DLGAP1: variants seen among roughly 807,000 people sequenced by gnomAD.
DLGAP1 encodes the protein disks large-associated protein 1.
In DLGAP1, 11 loss-of-function variants were observed where a neutral mutation model predicts 90.8. That is an observed-to-expected ratio of 0.12 (90% CI 0.08 to 0.20). DLGAP1 has a LOEUF of 0.20. DLGAP1 is among the 10% of genes least tolerant of loss of function. The pLI is 1.00. For synonymous variants in DLGAP1, 558 were observed against 540.7 expected (o/e 1.03, Z -0.44); for missense variants, 1,050 against 1,333.8 (o/e 0.79, Z 3.31).
intron 1 of DLGAP1, among the ~76,000 whole-genome samples, chr18:4,386,747 T>C (rs1201725690): frequency 1.3e-5 from 2 of 152,164 alleles, no homozygotes; most frequent in Admixed American, 6.6e-5. Flanking sequence ...ACAAACTGAC[T>C]GTCTGGGAGA....
intron 1 of DLGAP1, among the ~76,000 whole-genome samples, chr18:4,312,639 A>T (rs2080429172): frequency 6.6e-6 from 1 of 152,228 alleles, no homozygotes; most frequent in Non-Finnish European, 1.5e-5. Context: ...ACTGACTTGA[A>T]TCATAAAATT....
intron 3 of DLGAP1, among the ~76,000 whole-genome samples, chr18:4,002,901 T>C (rs1466709205): frequency 6.6e-6 from 1 of 152,172 alleles, no homozygotes; most frequent in Non-Finnish European, 1.5e-5. Context: ...TCTCTCCCCT[T>C]CCCGGTCTGT....
At chr18:3,667,727 G>A (rs1251549846) in intron 7 of DLGAP1, among the ~76,000 whole-genome samples, 1 of 152,158 alleles carries the variant, frequency 6.6e-6, no homozygotes, top group African/African-American at 2.4e-5. Context: ...TGGGGCCTGA[G>A]AGGGTCCATT....
intron 3 of DLGAP1, among the ~76,000 whole-genome samples, chr18:3,948,412 C>T (rs1340454021): frequency 2.0e-5 from 3 of 152,102 alleles, no homozygotes; most frequent in Non-Finnish European, 4.4e-5. Context: ...TTGTCACCTG[C>T]TGTTAGGGTT....
At chr18:4,337,170 T>TA (rs903643318) in intron 1 of DLGAP1, among the ~76,000 whole-genome samples, 11 of 145,106 alleles carry the variant, frequency 7.6e-5, no homozygotes, top group African/African-American at 2.5e-4. Flanking sequence ...GGTCAGTTGA[T>TA]ACATTGATAG....
At chr18:3,938,748 C>T (rs1027539756) in intron 3 of DLGAP1, among the ~76,000 whole-genome samples, 3 of 152,100 alleles carry the variant, frequency 2.0e-5, no homozygotes, top group African/African-American at 4.8e-5. Context: ...GTGCAGACCA[C>T]GTGGGGCCCA....
At chr18:4,134,482 A>C (rs62088896) in intron 2 of DLGAP1, among the ~76,000 whole-genome samples, 15,682 of 152,206 alleles carry the variant, frequency 0.1, 934 homozygotes, top group East Asian at 0.18. Context: ...GATAATACAA[A>C]TGTCAGTAAC....
intron 1 of DLGAP1, among the ~76,000 whole-genome samples, chr18:4,272,723 C>T (rs1174530159): frequency 2.0e-5 from 3 of 152,170 alleles, no homozygotes; most frequent in African/African-American, 4.8e-5. Flanking sequence ...TTTATAGTGG[C>T]CTACATTGTA....
intron 1 of DLGAP1, chr18:4,431,209 G>C (rs1002341389): frequency 1.3e-5 from 2 of 152,392 alleles, no homozygotes; most frequent in African/African-American, 2.4e-5. Context: ...AAATTCTGCA[G>C]TTTTGAAAGG....
intron 7 of DLGAP1, among the ~76,000 whole-genome samples, chr18:3,664,218 C>CACCCA (rs1555620386): frequency 8.3e-4 from 63 of 75,824 alleles, no homozygotes; most frequent in African/African-American, 3.4e-3. Flanking sequence ...ACACACACAC[C>CACCCA]CACACACACA....
chr18:3,965,806 G>A (rs1195857995), intron 3 of DLGAP1, among the ~76,000 whole-genome samples: 1 of 151,838 alleles, frequency 6.6e-6, no homozygotes, highest in African/African-American at 2.4e-5. Context: ...AAATTATCCA[G>A]GCGTGATGGC....
At chr18:3,699,927 G>A (rs1392306283) in intron 7 of DLGAP1, among the ~76,000 whole-genome samples, 1 of 152,206 alleles carries the variant, frequency 6.6e-6, no homozygotes, top group Non-Finnish European at 1.5e-5. Flanking sequence ...ACACTGTGAA[G>A]GGAAAACTGC....
chr18:3,755,577 G>A (rs1412327056), intron 5 of DLGAP1, among the ~76,000 whole-genome samples: 2 of 152,108 alleles, frequency 1.3e-5, no homozygotes, highest in Non-Finnish European at 2.9e-5. Context: ...AAAGACACAA[G>A]GGGCGTCTTA....
At chr18:3,550,942 A>G (rs1599184212) in intron 9 of DLGAP1, among the ~76,000 whole-genome samples, 1 of 151,684 alleles carries the variant, frequency 6.6e-6, no homozygotes, top group African/African-American at 2.4e-5. Context: ...GGGTTTCACC[A>G]TGTTGGCCAG....
intron 1 of DLGAP1, among the ~76,000 whole-genome samples, chr18:4,235,140 G>GA (rs111235387): frequency 0.022 from 3,391 of 152,138 alleles, 53 homozygotes; most frequent in Middle Eastern, 0.037. Flanking sequence ...CAGCTTATTG[G>GA]AAGCACATAT....
chr18:4,193,600 A>G (rs1264913249), intron 1 of DLGAP1, among the ~76,000 whole-genome samples: 1 of 152,206 alleles, frequency 6.6e-6, no homozygotes, highest in Non-Finnish European at 1.5e-5. Context: ...GTTAGAAAAG[A>G]CTTGATTACA....
chr18:3,756,797 A>C (rs1316007186), intron 5 of DLGAP1, among the ~76,000 whole-genome samples: 2 of 152,164 alleles, frequency 1.3e-5, no homozygotes, highest in Non-Finnish European at 2.9e-5. Context: ...AGAAAGTAAA[A>C]AGATTGTAAG....
At chr18:4,242,908 C>T (rs754376374) in intron 1 of DLGAP1, among the ~76,000 whole-genome samples, 7 of 152,002 alleles carry the variant, frequency 4.6e-5, no homozygotes, top group Admixed American at 6.6e-5. Context: ...GTAGTACCCA[C>T]GATGAGGGCT....
chr18:3,505,844 T>C (rs1015294644), intron 11 of DLGAP1, among the ~76,000 whole-genome samples: 1 of 152,186 alleles, frequency 6.6e-6, no homozygotes, highest in African/African-American at 2.4e-5. Flanking sequence ...AAGCACATTT[T>C]ACCACCTATG....
Sources: allele counts gnomAD v4.1 joint callset (sites outside exome capture counted in the v4.1 genomes callset), GRCh38; gene constraint gnomAD v4.1.1; transcripts MANE v1.5; gene names NCBI Gene and HGNC (gene_info 2026-07-23, HGNC 2026-07-21).